ACMSD: variants seen among roughly 807,000 people sequenced by gnomAD.
The protein encoded by ACMSD is aminocarboxymuconate semialdehyde decarboxylase, also known as 2-amino-3-carboxymuconate-6-semialdehyde decarboxylase.
Under a neutral mutation model 45.9 loss-of-function variants are expected in ACMSD, and 37 were observed. That is an observed-to-expected ratio of 0.81 (90% CI 0.62 to 1.06). The LOEUF (loss-of-function observed/expected upper bound fraction) is 1.06, where lower values mean the gene tolerates loss of function less well. ACMSD is among the 50% of genes least tolerant of loss of function. The pLI is 0.00. For synonymous variants in ACMSD, 138 were observed against 148.8 expected (o/e 0.93, Z 0.53); for missense variants, 434 against 420.9 (o/e 1.03, Z -0.27).
At chr2:134,885,664 T>G (rs970329733) in intron 8 of ACMSD, among the ~76,000 whole-genome samples, 1 of 151,606 alleles carries the variant, frequency 6.6e-6, no homozygotes, top group Non-Finnish European at 1.5e-5. Context: ...AAACACATTT[T>G]ATAGAGAAAA....
intron 6 of ACMSD, among the ~76,000 whole-genome samples, chr2:134,869,706 G>GTATATATATATA (rs149963659): frequency 4.7e-4 from 68 of 145,374 alleles, no homozygotes; most frequent in African/African-American, 1.6e-3. Context: ...TTATAAACAA[G>GTATATATATATA]TATATATATA....
At chr2:134,863,334 GTGAA>G (rs1687932470) in intron 4 of ACMSD, 57 bp from the exon 5 acceptor site, 1 of 1,487,920 alleles carries the variant, frequency 6.7e-7, no homozygotes. Flanking sequence ...ACTGTTCAGA[GTGAA>G]TGTCTAAAAG....
At chr2:134,901,508 T>G (rs956548086) in intron 9 of ACMSD, among the ~76,000 whole-genome samples, 20 of 152,162 alleles carry the variant, frequency 1.3e-4, no homozygotes, top group African/African-American at 3.6e-4. Flanking sequence ...AAATGGTCCT[T>G]AAGATCCAAG....
At chr2:134,900,428 A>G (rs573121050) in intron 9 of ACMSD, among the ~76,000 whole-genome samples, 12 of 152,148 alleles carry the variant, frequency 7.9e-5, no homozygotes, top group Admixed American at 3.3e-4. Flanking sequence ...CTTGTGCTCA[A>G]CTCACCTTAT....
chr2:134,871,159 G>A, intron 7 of ACMSD, 99 bp downstream of exon 7: 2 of 1,108,698 alleles, frequency 1.8e-6, no homozygotes, highest in South Asian at 1.4e-5. Flanking sequence ...TCACAGTCCT[G>A]GAGGCTAGAA....
At chr2:134,886,952 C>T (rs1392990818) in intron 8 of ACMSD, among the ~76,000 whole-genome samples, 1 of 152,068 alleles carries the variant, frequency 6.6e-6, no homozygotes, top group Admixed American at 6.6e-5. Flanking sequence ...ATACTAGCAG[C>T]AAGCAATTAT....
chr2:134,847,222 T>C (rs571570647), intron 2 of ACMSD, among the ~76,000 whole-genome samples: 24 of 152,048 alleles, frequency 1.6e-4, no homozygotes, highest in African/African-American at 4.3e-4. Context: ...GGAGAACACA[T>C]AGAGGCAGAC....
rs942351549 is a variant in ACMSD, at chr2:134,898,349, C to T, written c.858C>T (p.Val286=). Residue 286 remains valine (V), a synonymous_variant, in exon 9 of 10, where the codon GTC becomes GTT. Transcript: ENST00000356140. The part of the protein sequence containing the change: ...LLTDVIGKDK[V]ILGTDYPFPL... ...TATATTTTGTTTTTTAGGATAAAGT[C>T]ATTTTGGGAACCGATTACCCCTTTC... 3.2e-6 allele frequency: 5 copies of T among 1,583,244 alleles called. No individual in the cohort carries two copies. The highest frequency in any genetic ancestry group is 4.3e-6 in the Non-Finnish European group (5 of 1,167,528).
At position 134,863,486 on chromosome 2, in the gene ACMSD, T is replaced by G; in HGVS notation, c.341T>G (p.Leu114Arg). 6.2e-7 allele frequency: 1 copy of G among 1,614,222 alleles called. No homozygotes were observed. The highest frequency in any genetic ancestry group is 8.5e-7 in the Non-Finnish European group (1 of 1,180,024). Residue 114 changes from leucine (L) to arginine (R), a missense_variant, in exon 5 of 10, where the codon CTG becomes CGG. Leu to Arg is a moderately radical substitution (Grantham distance 102, BLOSUM62 -2). Transcript: ENST00000356140. Reference protein sequence around the residue: ...VVSYPRRFVGLGTLPMQAPEL... With the variant: ...VVSYPRRFVGRGTLPMQAPEL... ...AGCTACCCCAGGAGGTTCGTGGGTC[T>G]GGGGACGTTGCCCATGCAGGCCCCT...
intron 7 of ACMSD, 111 bp from the exon 8 acceptor site, chr2:134,872,358 T>C (rs900948563): frequency 1.7e-6 from 2 of 1,209,990 alleles, no homozygotes; most frequent in Non-Finnish European, 2.4e-6. Context: ...ATAGGTCCTC[T>C]GTAATTACTG....
At chr2:134,842,158 T>C (rs536144936) in intron 1 of ACMSD, among the ~76,000 whole-genome samples, 12 of 152,340 alleles carry the variant, frequency 7.9e-5, no homozygotes, top group African/African-American at 2.6e-4. Context: ...TTTCAGATTG[T>C]AGATGCTTCC....
At chr2:134,862,789 C>T (rs1011203340) in intron 4 of ACMSD, among the ~76,000 whole-genome samples, 2 of 152,188 alleles carry the variant, frequency 1.3e-5, no homozygotes, top group African/African-American at 4.8e-5. Context: ...CAGGAGAGGA[C>T]CAGATTCCTG....
chr2:134,845,361 G>C, intron 2 of ACMSD, 84 bp downstream of exon 2: 1 of 1,455,728 alleles, frequency 6.9e-7, no homozygotes, highest in South Asian at 1.1e-5. Context: ...TGGGCCTCCA[G>C]GGAACCCCAC....
Position 134,902,015 on chromosome 2 carries a change from A to C in ACMSD, c.*155A>C. On this transcript the variant is annotated 3_prime_UTR_variant, in exon 10 of 10. Transcript: ENST00000356140. ...ATTATTCATAATAAAAATGATTTGT[A>C]AGTGTTTTCATTCTGAAAAGCAGTA... 2.1e-6 allele frequency: 1 copy of C among 478,318 alleles called. No homozygotes were observed. Among genetic ancestry groups the C allele is most frequent in the Non-Finnish European group, 3.7e-6 (1 of 272,214 alleles). The allele number at this position is 478,318 out of a possible 1,614,324, so 29.6% of individuals were successfully genotyped here. A position where few individuals can be genotyped will look rare whatever the true frequency, so the allele number is the denominator to read the frequency against.
intron 2 of ACMSD, among the ~76,000 whole-genome samples, chr2:134,858,198 C>T (rs999519007): frequency 1.3e-5 from 2 of 152,030 alleles, no homozygotes; most frequent in African/African-American, 4.8e-5. Context: ...TACTATTCAG[C>T]CTTTATAAAA....
chr2:134,851,253 T>C (rs999354144), intron 2 of ACMSD, among the ~76,000 whole-genome samples: 3 of 152,224 alleles, frequency 2.0e-5, no homozygotes, highest in African/African-American at 7.2e-5. Flanking sequence ...CCATTGTGAA[T>C]AGTGCTGTAA....
chr2:134,843,821 C>A lies in ACMSD; in HGVS notation c.58-1412C>A, dbSNP rs1211793578. Reference sequence around the variant, plus strand: ...GAAATCCTGAACACTAGAAGATCCTCTGCAATCTGACCCCAGGACTACCTT... The same window carrying A: ...GAAATCCTGAACACTAGAAGATCCTATGCAATCTGACCCCAGGACTACCTT... On this transcript the variant is annotated intron_variant, in intron 1 of 9. Coordinates refer to ENST00000356140, the MANE Select transcript of ACMSD (RefSeq NM_138326.3). Among the ~76,000 whole-genome samples the A allele has an allele frequency of 2.6e-5, 4 of 152,236 alleles. No homozygotes were observed. In the East Asian group the frequency reaches 7.7e-4, roughly 29 times the overall value.
chr2:134,875,473 C>T (rs1688687972), intron 8 of ACMSD, among the ~76,000 whole-genome samples: 1 of 151,848 alleles, frequency 6.6e-6, no homozygotes, highest in Non-Finnish European at 1.5e-5. Flanking sequence ...TTTCTAAAAC[C>T]CTGTGCTATT....
At chr2:134,895,720 G>A (rs530490855) in intron 8 of ACMSD, among the ~76,000 whole-genome samples, 1 of 152,282 alleles carries the variant, frequency 6.6e-6, no homozygotes, top group African/African-American at 2.4e-5. Flanking sequence ...AATTAGCTGG[G>A]TGTGATGGCG....
Sources: gnomAD v4.1 joint callset for allele counts (sites outside exome capture counted in the v4.1 genomes callset) on GRCh38, gnomAD v4.1.1 for gene constraint, MANE v1.5 for transcripts, NCBI Gene and HGNC (gene_info 2026-07-23, HGNC 2026-07-21) for gene names.